Variants in SV2A observed in about 807,000 individuals in gnomAD.
SV2A encodes synaptic vesicle glycoprotein 2A, also known as solute carrier family 22 member B1.
A neutral mutation model predicts 78.0 loss-of-function variants in SV2A; 25 were observed. That is an observed-to-expected ratio of 0.32 (90% CI 0.23 to 0.45). SV2A has a LOEUF of 0.45. SV2A is among the 20% of genes least tolerant of loss of function. The pLI, the probability that SV2A is intolerant of heterozygous loss-of-function variation, is 1.00. For synonymous variants in SV2A, 355 were observed against 384.7 expected (o/e 0.92, Z 0.90); for missense variants, 752 against 971.5 (o/e 0.77, Z 3.00).
rs1397917528 is a variant in SV2A, at chr1:149,908,863, A to G, written c.1379+329T>C. On this transcript the variant is annotated intron_variant, in intron 8 of 12. Coordinates refer to ENST00000369146, the MANE Select transcript of SV2A (RefSeq NM_014849.5). ...GTAGCCAGGATGGTCTCGATCTCCTAACCTCATGATCCGCCCGCCTCGTCC... is the reference window on the plus strand; with the variant it reads ...GTAGCCAGGATGGTCTCGATCTCCTGACCTCATGATCCGCCCGCCTCGTCC... Among the ~76,000 whole-genome samples, 15 of 151,964 alleles carry G rather than the reference A, an allele frequency of 9.9e-5. No individual in the cohort carries two copies. The South Asian group carries it at 1.2e-3, about 13-fold the overall frequency.
At chr1:149,916,841 A>AC (rs1466728000) in intron 1 of SV2A, among the ~76,000 whole-genome samples, 1 of 151,896 alleles carries the variant, frequency 6.6e-6, no homozygotes, top group African/African-American at 2.4e-5. Context: ...TCCCCTCCCC[A>AC]CATCCTACCA....
chr1:149,909,608 TG>T, intron 6 of SV2A, 37 bp from the exon 7 acceptor site: 1 of 1,587,810 alleles, frequency 6.3e-7, no homozygotes, highest in Non-Finnish European at 8.6e-7. Context: ...TCACACACTC[TG>T]TGTTTCCCAA....
rs1297743494 is a variant in SV2A at position 149,904,001 on chromosome 1, C to G, written c.*1013G>C. 6.5e-6 allele frequency: 1 copy of G among 152,896 alleles called. No individual in the cohort carries two copies. The highest frequency in any genetic ancestry group is 1.9e-4 in the East Asian group (1 of 5,172). The allele number at this position is 152,896 out of a possible 1,614,324, so 9.5% of individuals were successfully genotyped here. Reference sequence around the variant, plus strand: ...GTTTGACCAGATGCCTGGTTTCTTTCCCTCCCCTGCTCCCCTCCCTGTGAG... The same window carrying G: ...GTTTGACCAGATGCCTGGTTTCTTTGCCTCCCCTGCTCCCCTCCCTGTGAG... On this transcript the variant is annotated 3_prime_UTR_variant, in exon 13 of 13. Transcript: ENST00000369146.
intron 1 of SV2A, among the ~76,000 whole-genome samples, chr1:149,917,078 T>C (rs1334420789): frequency 6.6e-6 from 1 of 151,676 alleles, no homozygotes; most frequent in Non-Finnish European, 1.5e-5. Context: ...ACTAAATCCC[T>C]GCTCTGAGCA....
chr1:149,907,646 C>T, intron 10 of SV2A, 54 bp downstream of exon 10: 1 of 1,580,324 alleles, frequency 6.3e-7, no homozygotes, highest in African/African-American at 1.3e-5. Flanking sequence ...GGTTCCTTCT[C>T]ATCAAGGTCC....
chr1:149,907,751 T>C lies in SV2A; in HGVS notation c.1627A>G (p.Asn543Asp). The change falls in exon 10 of 13, where the codon AAC becomes GAC. Residue 543 changes from asparagine (N) to aspartate (D), a missense_variant. Physicochemically the swap from Asn to Asp is conservative, Grantham distance 23. Coordinates refer to ENST00000369146, the MANE Select transcript of SV2A (RefSeq NM_014849.5). ...AATGTGCAGTTGCGGAAAAACGTGT[T>C]GCTGGATGTGACATCCTCAAAATAA... ...ECYFEDVTSS[N>D]TFFRNCTFIN... 1 of 1,614,180 alleles carries C rather than the reference T, an allele frequency of 6.2e-7. No homozygotes were observed. Among genetic ancestry groups the C allele is most frequent in the Non-Finnish European group, 8.5e-7 (1 of 1,180,020 alleles).
Position 149,909,909 on chromosome 1 carries a change from T to C in SV2A, c.1090-19A>G. On this transcript the variant is annotated intron_variant, in intron 5 of 12. Coordinates refer to ENST00000369146, the MANE Select transcript of SV2A (RefSeq NM_014849.5). ...TTCCATTCTAGAGCCAAAGACACAA[T>C]CCCCACATCCAAGTCAGCCCCTACC... The C allele has an allele frequency of 6.2e-7, 1 of 1,612,714 alleles. No individual in the cohort carries two copies. The highest frequency in any genetic ancestry group is 8.5e-7 in the Non-Finnish European group (1 of 1,179,184).
In SV2A at chr1:149,906,002, G is replaced by A. The variant is rs1553762676; in HGVS notation, c.1923C>T (p.Phe641=). 1.9e-6 allele frequency: 3 copies of A among 1,614,180 alleles called. No homozygotes were observed. Among genetic ancestry groups the A allele is most frequent in the Non-Finnish European group, 1.7e-6 (2 of 1,180,046 alleles). The change falls in exon 12 of 13, where the codon TTC becomes TTT. Residue 641 remains phenylalanine (F), a synonymous_variant. Transcript: ENST00000369146. ...SSVMSCVSCF[F]LSFGNSESAM... ...CCGACTCACTGTTCCCAAAAGACAG[G>A]AAGAAGCAGGAGACACAGGACATCA...
At chr1:149,909,986 G>T in intron 5 of SV2A, 96 bp from the exon 6 acceptor site, 3 of 1,152,490 alleles carry the variant, frequency 2.6e-6, no homozygotes, top group African/African-American at 1.5e-5. Context: ...GTAGTCACAG[G>T]ACACTAAATG....
chr1:149,905,445 A>AT (rs200201216), intron 12 of SV2A: 196 of 389,092 alleles, frequency 5.0e-4, no homozygotes, highest in East Asian at 9.8e-4. Context: ...AAGCTACCAG[A>AT]TTTTTTTTTC....
intron 8 of SV2A, among the ~76,000 whole-genome samples, chr1:149,908,924 G>A (rs2092456866): frequency 6.6e-6 from 1 of 152,054 alleles, no homozygotes; most frequent in Admixed American, 6.6e-5. Context: ...TCATCGTCCT[G>A]CTTCTTAACC....
chr1:149,912,819 C>T (rs1306813189), intron 2 of SV2A, among the ~76,000 whole-genome samples: 1 of 150,076 alleles, frequency 6.7e-6, no homozygotes, highest in Non-Finnish European at 1.5e-5. Context: ...CTGACTCTCC[C>T]CATTTATACC....
In SV2A at chr1:149,906,119, G is replaced by A. The variant is rs1024572418; in HGVS notation, c.1886-80C>T. The A allele has an allele frequency of 5.9e-6, 9 of 1,538,404 alleles. No individual in the cohort carries two copies. The African/African-American group carries it at 1.2e-4, about 21-fold the overall frequency. On this transcript the variant is annotated intron_variant, in intron 11 of 12. Transcript: ENST00000369146. ...ACAGCCCACCCTGTCCCATCAGCTG[G>A]CTTTCAGATAGCCCAGGATGAGACT...
chr1:149,911,603 T>C (rs1553763780), intron 3 of SV2A, among the ~76,000 whole-genome samples, 197 bp downstream of exon 3: 1 of 152,136 alleles, frequency 6.6e-6, no homozygotes, highest in Admixed American at 6.5e-5. Context: ...AACAGCATTC[T>C]GGACAGCAGC....
intron 1 of SV2A, among the ~76,000 whole-genome samples, chr1:149,916,115 C>T (rs151110793): frequency 6.6e-6 from 1 of 152,280 alleles, no homozygotes; most frequent in East Asian, 1.9e-4. Flanking sequence ...ACTGCGGAAT[C>T]CCCTCAGCGC....
chr1:149,906,874 G>A lies in SV2A; in HGVS notation c.1679-18C>T. ...GAACAGGTCTGTGGGCAAAGGCCAA[G>A]ATAAGCAGGCAGTCATAGCAGATGG... On this transcript the variant is annotated intron_variant, in intron 10 of 12. Transcript: ENST00000369146. 3 of 1,613,936 alleles carry A rather than the reference G, an allele frequency of 1.9e-6. No homozygotes were observed. Among genetic ancestry groups the A allele is most frequent in the Non-Finnish European group, 8.5e-7 (1 of 1,179,898 alleles).
intron 9 of SV2A, 46 bp downstream of exon 9, chr1:149,907,996 G>A (rs775061644): frequency 1.2e-6 from 2 of 1,600,716 alleles, no homozygotes; most frequent in Non-Finnish European, 1.7e-6. Context: ...AAAGAGACGA[G>A]GTAGAAGGAA....
At chr1:149,916,655 GTCCACCCAGA>G (rs1166381359) in intron 1 of SV2A, among the ~76,000 whole-genome samples, 18 of 152,170 alleles carry the variant, frequency 1.2e-4, no homozygotes, top group African/African-American at 4.3e-4. Context: ...TGACTTTGGG[GTCCACCCAGA>G]TCCCCAGGCC....
Position 149,905,906 on chromosome 1 carries a change from A to T in SV2A, c.2019T>A (p.Thr673=), listed in dbSNP as rs782476536. 4 of 1,613,960 alleles carry T rather than the reference A, an allele frequency of 2.5e-6. No individual in the cohort carries two copies. The highest frequency in any genetic ancestry group is 2.7e-5 in the African/African-American group (2 of 74,880). Residue 673 remains threonine (T), a synonymous_variant, in exon 12 of 13, where the codon ACT becomes ACA. Coordinates refer to ENST00000369146, the MANE Select transcript of SV2A (RefSeq NM_014849.5). ...IASWNALDVL[T]VELYPSDKRT... is the part of the protein sequence containing the mutation. ...TCTTGTCTGAGGGGTAGAGTTCAACAGTCAACACGTCCAGCGCATTCCAGG... is the reference window on the plus strand; with the variant it reads ...TCTTGTCTGAGGGGTAGAGTTCAACTGTCAACACGTCCAGCGCATTCCAGG...
Sources: allele counts gnomAD v4.1 joint callset (sites outside exome capture counted in the v4.1 genomes callset), GRCh38; gene constraint gnomAD v4.1.1; transcripts MANE v1.5; gene names NCBI Gene and HGNC (gene_info 2026-07-23, HGNC 2026-07-21).